Variants in ANAPC5 observed in about 807,000 individuals in gnomAD.
The protein encoded by ANAPC5 is anaphase promoting complex subunit 5.
In ANAPC5, 60 loss-of-function variants were observed where a neutral mutation model predicts 91.3. The ratio of observed to expected loss-of-function variants is 0.66; its 90% confidence interval spans 0.53 to 0.81. The LOEUF is 0.81. Among genes scored for constraint, ANAPC5 ranks in the 40% least tolerant of loss-of-function variants. ANAPC5 has a pLI of 0.00. For synonymous variants in ANAPC5, 340 were observed against 364.1 expected, an observed-to-expected ratio of 0.93 and a Z score of 0.75; for missense variants, 690 against 931.5, an observed-to-expected ratio of 0.74 and a Z score of 3.37.
chr12:121,322,144 G>T (rs563045060), intron 11 of ANAPC5, among the ~76,000 whole-genome samples: 77 of 148,736 alleles, frequency 5.2e-4, no homozygotes, highest in Admixed American at 4.4e-3. Flanking sequence ...GATTACAGGC[G>T]TGAGCCACCG....
At chr12:121,319,930 A>G (rs1593580108) in intron 12 of ANAPC5, 112 bp from the exon 13 acceptor site, 4 of 1,102,328 alleles carry the variant, frequency 3.6e-6, no homozygotes, top group Non-Finnish European at 5.0e-6. Flanking sequence ...ATTCACACAT[A>G]TTCTTTTTTG....
intron 11 of ANAPC5, among the ~76,000 whole-genome samples, chr12:121,322,982 A>G (rs975898447): frequency 5.2e-4 from 79 of 152,250 alleles, no homozygotes; most frequent in Middle Eastern, 3.4e-3. Context: ...CTGAGATCAC[A>G]CCACTGCACT....
chr12:121,309,937 C>A, intron 15 of ANAPC5, 74 bp from the exon 16 acceptor site: 1 of 1,420,864 alleles, frequency 7.0e-7, no homozygotes, highest in Non-Finnish European at 9.5e-7. Flanking sequence ...TCATTTCTGG[C>A]AGTTCTCTCC....
chr12:121,309,564 T>G, intron 16 of ANAPC5, 137 bp downstream of exon 16: 1 of 1,056,162 alleles, frequency 9.5e-7, no homozygotes, highest in Non-Finnish European at 1.3e-6. Context: ...AAATGCTGCA[T>G]GAAATTTTAA....
intron 5 of ANAPC5, among the ~76,000 whole-genome samples, chr12:121,337,609 T>C (rs1003362911): frequency 1.3e-5 from 2 of 152,038 alleles, no homozygotes; most frequent in Non-Finnish European, 2.9e-5. Flanking sequence ...ACAACACTGT[T>C]TCCTCTTCCA....
At chr12:121,343,976 A>T (rs1903559569) in intron 4 of ANAPC5, among the ~76,000 whole-genome samples, 1 of 152,242 alleles carries the variant, frequency 6.6e-6, no homozygotes, top group Non-Finnish European at 1.5e-5. Context: ...ATTTGGAAGC[A>T]ATCTCAGATA....
At chr12:121,315,382 A>G (rs1015294723) in intron 15 of ANAPC5, among the ~76,000 whole-genome samples, 1 of 152,358 alleles carries the variant, frequency 6.6e-6, no homozygotes, top group South Asian at 2.1e-4. Context: ...CTACAGATTC[A>G]AATACAATCC....
intron 15 of ANAPC5, among the ~76,000 whole-genome samples, chr12:121,315,077 T>TA (rs1050262119): frequency 3.1e-4 from 45 of 147,406 alleles, no homozygotes; most frequent in East Asian, 7.9e-4. Context: ...TACAAAACCA[T>TA]AAAAAAAAAA....
At chr12:121,314,954 T>C (rs1392611468) in intron 15 of ANAPC5, among the ~76,000 whole-genome samples, 1 of 151,970 alleles carries the variant, frequency 6.6e-6, no homozygotes, top group Non-Finnish European at 1.5e-5. Flanking sequence ...TTATTCAACA[T>C]GTATTGGAAG....
chr12:121,349,585 AT>A (rs1441506151), intron 1 of ANAPC5, among the ~76,000 whole-genome samples: 9 of 151,846 alleles, frequency 5.9e-5, no homozygotes, highest in African/African-American at 1.2e-4. Flanking sequence ...TAAAAAAAAA[AT>A]AAATTTAAAA....
intron 15 of ANAPC5, among the ~76,000 whole-genome samples, chr12:121,310,661 C>T (rs916926341): frequency 6.6e-6 from 1 of 152,110 alleles, no homozygotes; most frequent in African/African-American, 2.4e-5. Flanking sequence ...AAGGCAGGCG[C>T]AGTGGCTCAC....
intron 16 of ANAPC5, among the ~76,000 whole-genome samples, chr12:121,309,437 CA>C (rs879298227): frequency 2.9e-3 from 400 of 136,762 alleles, no homozygotes; most frequent in African/African-American, 6.8e-3. Context: ...GACTTTGTCT[CA>C]AAAAAAAAAA....
intron 11 of ANAPC5, among the ~76,000 whole-genome samples, chr12:121,323,349 A>C (rs1026971766): frequency 7.2e-5 from 11 of 151,766 alleles, no homozygotes; most frequent in African/African-American, 2.7e-4. Flanking sequence ...TTTTGAGACA[A>C]GGTTTTGCTC....
rs782578968 is a variant in ANAPC5 at position 121,331,347 on chromosome 12, C to T, written c.1032G>A (p.Leu344=). ...SNDHVCLQHC[L]SWLYVLGQKR... ...TCCCAAGACCAGAGGATGGCCTCAC[C>T]AAACAGTGCTGGAGACACACGTGAT... Residue 344 remains leucine (L), a splice_region_variant and synonymous_variant, in exon 8 of 17, where the codon TTG becomes TTA. Transcript: ENST00000261819. 6.3e-7 allele frequency: 1 copy of T among 1,587,912 alleles called. No homozygotes were observed. Among genetic ancestry groups the T allele is most frequent in the Admixed American group, 1.7e-5 (1 of 59,708 alleles).
intron 15 of ANAPC5, among the ~76,000 whole-genome samples, chr12:121,313,732 A>G (rs1349533026): frequency 6.6e-6 from 1 of 152,232 alleles, no homozygotes; most frequent in Non-Finnish European, 1.5e-5. Flanking sequence ...TATAACAACT[A>G]AAGAGACTGA....
At position 121,318,594 on chromosome 12, in the gene ANAPC5, A is replaced by G. The variant is rs756198010; in HGVS notation, c.1652T>C (p.Leu551Ser). 6.2e-7 allele frequency: 1 copy of G among 1,614,062 alleles called. No individual in the cohort carries two copies. The highest frequency in any genetic ancestry group is 1.1e-5 in the South Asian group (1 of 91,058). ...CTCTGACATTTGGTTCTGAGCTTGT[A>G]ATACAACCGCTTTCCTGAAACAGAA... ...IEGVYRKAVV[L>S]QAQNQMSEAH... The change falls in exon 14 of 17, where the codon TTA (leucine) becomes TCA (serine). Residue 551 changes from leucine (L) to serine (S), a missense_variant. By Grantham distance (145) the Leu-to-Ser change is moderately radical (BLOSUM62 -2). Coordinates refer to ENST00000261819, the MANE Select transcript of ANAPC5 (RefSeq NM_016237.5).
chr12:121,321,532 CTTTT>C (rs59155973), intron 11 of ANAPC5, among the ~76,000 whole-genome samples: 6 of 120,422 alleles, frequency 5.0e-5, no homozygotes, highest in Admixed American at 8.5e-5. Flanking sequence ...ATACAAAATC[CTTTT>C]TTTTTTTTTT....
intron 5 of ANAPC5, among the ~76,000 whole-genome samples, chr12:121,339,868 GT>G (rs71079054): frequency 2.2e-3 from 231 of 104,552 alleles, no homozygotes; most frequent in Middle Eastern, 0.012. Context: ...TTTTCTTCCA[GT>G]TTTTTTTTTT....
At chr12:121,318,203 A>G (rs566533651) in intron 15 of ANAPC5, 74 bp downstream of exon 15, 2 of 1,423,074 alleles carry the variant, frequency 1.4e-6, no homozygotes, top group Non-Finnish European at 1.9e-6. Flanking sequence ...TTATCCTTTC[A>G]ATACTCAAAC....
Sources: gnomAD v4.1 joint callset for allele counts (sites outside exome capture counted in the v4.1 genomes callset) on GRCh38, gnomAD v4.1.1 for gene constraint, MANE v1.5 for transcripts, NCBI Gene and HGNC (gene_info 2026-07-23, HGNC 2026-07-21) for gene names.